Variants in ARHGAP32 observed in about 807,000 individuals in gnomAD.
ARHGAP32 encodes the protein Rho GTPase activating protein 32, also known as rho GTPase-activating protein 32.
Under a neutral mutation model 186.5 loss-of-function variants are expected in ARHGAP32, and 51 were observed. That is an observed-to-expected ratio of 0.27 (90% CI 0.22 to 0.35). The LOEUF (loss-of-function observed/expected upper bound fraction) is 0.35, where lower values mean the gene tolerates loss of function less well. ARHGAP32 is among the 10% of genes least tolerant of loss of function. ARHGAP32 has a pLI of 1.00. For synonymous variants in ARHGAP32, 950 were observed against 964.3 expected (o/e 0.99, Z 0.27); for missense variants, 2,186 against 2,623.5 (o/e 0.83, Z 3.64).
intron 10 of ARHGAP32, among the ~76,000 whole-genome samples, chr11:129,052,295 T>C (rs989820814): frequency 6.6e-6 from 1 of 152,216 alleles, no homozygotes; most frequent in African/African-American, 2.4e-5. Context: ...TACCACACTC[T>C]CTTGAAAACT....
intron 10 of ARHGAP32, among the ~76,000 whole-genome samples, chr11:129,047,129 C>CAAA (rs370486338): frequency 3.1e-5 from 4 of 127,264 alleles, no homozygotes; most frequent in African/African-American, 9.2e-5. Flanking sequence ...GACTCCGTCT[C>CAAA]AAAAAAAAAA....
intron 5 of ARHGAP32, among the ~76,000 whole-genome samples, chr11:129,108,822 C>T (rs1381425929): frequency 6.6e-6 from 1 of 152,108 alleles, no homozygotes; most frequent in Non-Finnish European, 1.5e-5. Flanking sequence ...TTGTGAGTTA[C>T]ATGTGATATT....
At chr11:128,994,418 G>C (rs1946145580) in intron 12 of ARHGAP32, among the ~76,000 whole-genome samples, 1 of 152,044 alleles carries the variant, frequency 6.6e-6, no homozygotes, top group Admixed American at 6.6e-5. Flanking sequence ...GCCTCCCAAA[G>C]TGCTGGGATT....
intron 1 of ARHGAP32, among the ~76,000 whole-genome samples, chr11:129,238,969 G>C (rs1341868395): frequency 2.0e-5 from 3 of 151,822 alleles, no homozygotes; most frequent in African/African-American, 7.3e-5. Context: ...CCAATAGCTG[G>C]GACTACAGGC....
intron 10 of ARHGAP32, among the ~76,000 whole-genome samples, chr11:129,050,646 ATTAT>A (rs1457117941): frequency 6.6e-6 from 1 of 152,220 alleles, no homozygotes; most frequent in Non-Finnish European, 1.5e-5. Context: ...AAAAAAATTA[ATTAT>A]TTCTTTATTA....
At chr11:129,035,900 G>A (rs1939313585) in intron 11 of ARHGAP32, among the ~76,000 whole-genome samples, 1 of 152,082 alleles carries the variant, frequency 6.6e-6, no homozygotes. Context: ...GCTCACAGAA[G>A]ACAAAATACT....
chr11:128,981,933 T>G lies in ARHGAP32; in HGVS notation c.1530A>C (p.Thr510=). ...IQQLPPPHYR[T]LEFLMRHLSL... ...ACAAGTGTCTCATCAGGAACTCCAGTGTTCTGGAAATAAAATACAACATAT... is the reference window on the plus strand; with the variant it reads ...ACAAGTGTCTCATCAGGAACTCCAGGGTTCTGGAAATAAAATACAACATAT... The change falls in exon 16 of 23, where the codon ACA becomes ACC. Residue 510 remains threonine, a synonymous_variant. Transcript: ENST00000682385. The G allele has an allele frequency of 1.3e-6, 2 of 1,591,678 alleles. No homozygotes were observed. Among genetic ancestry groups the G allele is most frequent in the Non-Finnish European group, 1.7e-6 (2 of 1,163,026 alleles).
intron 11 of ARHGAP32, among the ~76,000 whole-genome samples, chr11:129,009,628 G>A (rs995743688): frequency 1.3e-5 from 2 of 152,080 alleles, no homozygotes; most frequent in Non-Finnish European, 2.9e-5. Flanking sequence ...GAGGATAATG[G>A]CTTCTAGCCC....
chr11:129,039,149 C>T (rs371760383), intron 11 of ARHGAP32, among the ~76,000 whole-genome samples: 20 of 152,216 alleles, frequency 1.3e-4, no homozygotes, highest in South Asian at 4.2e-4. Context: ...GGTGGAACTG[C>T]AAAATGGTAC....
chr11:129,261,692 A>G (rs1591382721), intron 1 of ARHGAP32, among the ~76,000 whole-genome samples: 1 of 152,352 alleles, frequency 6.6e-6, no homozygotes, highest in South Asian at 2.1e-4. Flanking sequence ...AATACTCTTA[A>G]GTAAATAAAT....
intron 6 of ARHGAP32, among the ~76,000 whole-genome samples, chr11:129,072,732 G>A (rs1410971710): frequency 6.6e-6 from 1 of 152,082 alleles, no homozygotes; most frequent in Non-Finnish European, 1.5e-5. Context: ...AGAGAACCCC[G>A]TCACGGGAGC....
intron 11 of ARHGAP32, among the ~76,000 whole-genome samples, chr11:129,011,857 G>T (rs1230749250): frequency 6.6e-6 from 1 of 151,960 alleles, no homozygotes; most frequent in Non-Finnish European, 1.5e-5. Flanking sequence ...AGCATATTTA[G>T]CATAAGAAAG....
chr11:129,041,328 A>G (rs1291425362), intron 10 of ARHGAP32, among the ~76,000 whole-genome samples: 1 of 152,128 alleles, frequency 6.6e-6, no homozygotes, highest in African/African-American at 2.4e-5. Flanking sequence ...AGTAGGTAAA[A>G]TTTTATAATT....
At chr11:129,064,725 A>G in intron 8 of ARHGAP32, 116 bp downstream of exon 8, 1 of 737,454 alleles carries the variant, frequency 1.4e-6, no homozygotes, top group South Asian at 1.9e-5. Flanking sequence ...TGCTGAGAAT[A>G]TACTTCATTT....
intron 6 of ARHGAP32, among the ~76,000 whole-genome samples, chr11:129,071,474 T>C (rs553769748): frequency 1.3e-5 from 2 of 152,166 alleles, no homozygotes; most frequent in Admixed American, 6.6e-5. Context: ...ATATCACTAG[T>C]CATTAGGCAA....
chr11:129,226,909 T>C (rs763617229), intron 1 of ARHGAP32, among the ~76,000 whole-genome samples: 6 of 151,978 alleles, frequency 3.9e-5, no homozygotes, highest in Non-Finnish European at 8.8e-5. Context: ...CTAGATTAAC[T>C]CAAATGCAGA....
chr11:129,213,537 TA>T (rs1944608699), intron 1 of ARHGAP32, among the ~76,000 whole-genome samples: 2 of 152,158 alleles, frequency 1.3e-5, no homozygotes, highest in Admixed American at 6.6e-5. Context: ...CAGGACATGT[TA>T]AAAATAGTGT....
intron 11 of ARHGAP32, among the ~76,000 whole-genome samples, chr11:129,004,835 C>A (rs1252415398): frequency 6.6e-6 from 1 of 152,040 alleles, no homozygotes; most frequent in Admixed American, 6.6e-5. Context: ...CACTCTATGT[C>A]TTTTATTGAA....
chr11:129,120,180 T>C (rs1305933690), intron 5 of ARHGAP32, among the ~76,000 whole-genome samples: 4 of 152,030 alleles, frequency 2.6e-5, no homozygotes, highest in African/African-American at 9.7e-5. Context: ...ATTTTAAAGA[T>C]GGAGCCAAAA....
Sources: allele counts gnomAD v4.1 joint callset (sites outside exome capture counted in the v4.1 genomes callset), GRCh38; gene constraint gnomAD v4.1.1; transcripts MANE v1.5; gene names NCBI Gene and HGNC (gene_info 2026-07-23, HGNC 2026-07-21).